The following STAP1 variants were observed in gnomAD, a reference collection of about 807,000 sequenced individuals.
STAP1 encodes signal-transducing adaptor protein 1.
In STAP1, 30 loss-of-function variants were observed where a neutral mutation model predicts 37.8. That is an observed-to-expected ratio of 0.79 (90% confidence interval 0.59 to 1.08). The LOEUF (loss-of-function observed/expected upper bound fraction) is 1.08. STAP1 is among the 50% of genes least tolerant of loss of function. The pLI, the probability that STAP1 is intolerant of heterozygous loss-of-function variation, is 0.00. For synonymous variants in STAP1, 130 were observed against 116.0 expected, an observed-to-expected ratio of 1.12 and a Z score of -0.78; for missense variants, 357 against 349.4, an observed-to-expected ratio of 1.02 and a Z score of -0.17.
At chr4:67,563,249 C>T (rs1343976971) in intron 1 of STAP1, among the ~76,000 whole-genome samples, 1 of 152,214 alleles carries the variant, frequency 6.6e-6, no homozygotes, top group African/African-American at 2.4e-5. Flanking sequence ...TACTCTCTTG[C>T]ATAGCTGAAT....
chr4:67,568,172 A>G (rs1261456458), intron 1 of STAP1, among the ~76,000 whole-genome samples: 2 of 152,218 alleles, frequency 1.3e-5, no homozygotes, highest in Non-Finnish European at 2.9e-5. Context: ...ATAAATTCTG[A>G]AGAGTCGACA....
At chr4:67,572,461 C>G (rs989309154) in intron 2 of STAP1, among the ~76,000 whole-genome samples, 4 of 151,866 alleles carry the variant, frequency 2.6e-5, no homozygotes, top group African/African-American at 7.3e-5. Flanking sequence ...TAATAAATAC[C>G]CACCCTCACT....
chr4:67,567,831 A>G (rs1414352121), intron 1 of STAP1, among the ~76,000 whole-genome samples: 4 of 152,204 alleles, frequency 2.6e-5, no homozygotes, highest in Admixed American at 1.3e-4. Context: ...AAGACCCTAG[A>G]CAAGTAAGTG....
At chr4:67,564,573 T>G (rs1459028539) in intron 1 of STAP1, among the ~76,000 whole-genome samples, 1 of 151,864 alleles carries the variant, frequency 6.6e-6, no homozygotes, top group Non-Finnish European at 1.5e-5. Context: ...GACTTCAGGG[T>G]TTTCTCTTGT....
Position 67,571,162 on chromosome 4 carries a change from A to G in STAP1, c.192+7A>G, listed in dbSNP as rs1345233116. ...CGACAAAAAGAGTATAATAGTAAGT[A>G]AATATGTTGAGCTGATTCCATTGTT... On this transcript the variant is annotated splice_region_variant and intron_variant, in intron 2 of 8. Coordinates refer to ENST00000265404, the MANE Select transcript of STAP1 (RefSeq NM_012108.4). 2 of 1,579,608 alleles carry G rather than the reference A, an allele frequency of 1.3e-6. No homozygotes were observed. Among genetic ancestry groups the G allele is most frequent in the Middle Eastern group, 1.7e-4 (1 of 5,998 alleles).
intron 5 of STAP1, among the ~76,000 whole-genome samples, 196 bp from the exon 6 acceptor site, chr4:67,583,378 T>G (rs1475131978): frequency 2.0e-5 from 3 of 152,200 alleles, no homozygotes; most frequent in Admixed American, 2.0e-4. Flanking sequence ...AAGGAAGACC[T>G]TAACGTTAGC....
chr4:67,602,315 A>C (rs1373460049), intron 8 of STAP1, among the ~76,000 whole-genome samples: 1 of 43,244 alleles, frequency 2.3e-5, no homozygotes, highest in African/African-American at 4.1e-5. Context: ...CTGAAAGTTA[A>C]CACGTTTGTC....
intron 8 of STAP1, among the ~76,000 whole-genome samples, chr4:67,596,438 G>A (rs777465130): frequency 1.4e-4 from 22 of 152,230 alleles, no homozygotes; most frequent in Non-Finnish European, 1.9e-4. Flanking sequence ...TGGCAGAGTC[G>A]GGTCCTGCTA....
intron 8 of STAP1, among the ~76,000 whole-genome samples, chr4:67,598,879 T>A (rs10025209): frequency 0.042 from 6,422 of 152,306 alleles, 163 homozygotes; most frequent in Admixed American, 0.068. Context: ...GTTTTCCCAA[T>A]GTTTTCTTGG....
In STAP1 at chr4:67,581,146, A is replaced by G. The variant is rs185416494; in HGVS notation, c.364-159A>G. On this transcript the variant is annotated intron_variant, in intron 4 of 8. Coordinates refer to ENST00000265404, the MANE Select transcript of STAP1 (RefSeq NM_012108.4). Reference sequence around the variant, plus strand: ...TGCAGAGGCGGTTCTGAAACACCCAACCTAGACTAAAATCCTCTGTTTCTT... The same window carrying G: ...TGCAGAGGCGGTTCTGAAACACCCAGCCTAGACTAAAATCCTCTGTTTCTT... Among the ~76,000 whole-genome samples the G allele has an allele frequency of 2.5e-3, 387 of 152,262 alleles. 2 individuals carry two copies. The highest frequency in any genetic ancestry group is 8.8e-3 in the African/African-American group (366 of 41,542).
chr4:67,606,308 G>C lies in STAP1; in HGVS notation c.839G>C (p.Ser280Thr). The C allele has an allele frequency of 6.2e-7, 1 of 1,612,346 alleles. No individual in the cohort carries two copies. Among genetic ancestry groups the C allele is most frequent in the Non-Finnish European group, 8.5e-7 (1 of 1,179,366 alleles). Residue 280 changes from serine (S) to threonine (T), a missense_variant, in exon 9 of 9, where the codon AGT becomes ACT. Coordinates refer to ENST00000265404, the MANE Select transcript of STAP1 (RefSeq NM_012108.4). ...STDENTGQEP[S>T]MEGRSEKLKK... ...CCACAATTTCTAGGTCAAGAACCCA[G>C]TATGGAAGGGAGAAGTGAAAAGTTG...
At chr4:67,593,122 T>C (rs1272032075) in intron 7 of STAP1, 138 bp from the exon 8 acceptor site, 11 of 559,344 alleles carry the variant, frequency 2.0e-5, no homozygotes, top group Non-Finnish European at 3.1e-5. Context: ...GACACAGGGA[T>C]AGGTAAAACT....
intron 4 of STAP1, among the ~76,000 whole-genome samples, chr4:67,577,983 A>G (rs929104584): frequency 6.6e-6 from 1 of 152,132 alleles, no homozygotes; most frequent in Non-Finnish European, 1.5e-5. Context: ...ATACATATTT[A>G]TAGAATACTA....
chr4:67,572,773 T>C (rs1357821940), intron 2 of STAP1, among the ~76,000 whole-genome samples: 2 of 152,228 alleles, frequency 1.3e-5, no homozygotes, highest in Non-Finnish European at 2.9e-5. Flanking sequence ...TTTACATGCA[T>C]TGCCTAATTT....
At chr4:67,595,723 T>G (rs938517625) in intron 8 of STAP1, among the ~76,000 whole-genome samples, 1 of 152,212 alleles carries the variant, frequency 6.6e-6, no homozygotes, top group Admixed American at 6.5e-5. Context: ...TTTGCTCTTT[T>G]CTTTTTCAAA....
chr4:67,559,556 A>G (rs922374009), intron 1 of STAP1, among the ~76,000 whole-genome samples: 6 of 152,228 alleles, frequency 3.9e-5, no homozygotes, highest in African/African-American at 1.4e-4. Context: ...AAAATCCATG[A>G]AGCATTCTGT....
chr4:67,567,584 A>C (rs190431734), intron 1 of STAP1, among the ~76,000 whole-genome samples: 1 of 152,344 alleles, frequency 6.6e-6, no homozygotes, highest in East Asian at 1.9e-4. Context: ...AATTGAACTT[A>C]CAGCAAACAA....
At chr4:67,573,348 C>A (rs1397275745) in intron 2 of STAP1, among the ~76,000 whole-genome samples, 1 of 152,152 alleles carries the variant, frequency 6.6e-6, no homozygotes, top group Non-Finnish European at 1.5e-5. Flanking sequence ...GGCAGAGATG[C>A]CATCAGATGT....
chr4:67,569,555 T>C (rs998951622), intron 1 of STAP1, among the ~76,000 whole-genome samples: 4 of 152,258 alleles, frequency 2.6e-5, no homozygotes, highest in African/African-American at 9.6e-5. Flanking sequence ...GCAAAAATAT[T>C]TTATTTCTTT....
Sources: gnomAD v4.1 joint callset for allele counts (sites outside exome capture counted in the v4.1 genomes callset) on GRCh38, gnomAD v4.1.1 for gene constraint, MANE v1.5 for transcripts, NCBI Gene and HGNC (gene_info 2026-07-23, HGNC 2026-07-21) for gene names.